The following FUS variants were observed in gnomAD, a reference collection of about 807,000 sequenced individuals.
The protein encoded by FUS is FUS RNA binding protein.
A neutral mutation model predicts 82.7 loss-of-function variants in FUS; 5 were observed. That is an observed-to-expected ratio of 0.06 (90% CI 0.03 to 0.13). The LOEUF (loss-of-function observed/expected upper bound fraction) is 0.13, where lower values mean the gene tolerates loss of function less well. Among genes scored for constraint, FUS ranks in the 10% least tolerant of loss-of-function variants. FUS has a pLI of 1.00. For synonymous variants in FUS, 281 were observed against 247.4 expected, an observed-to-expected ratio of 1.14 and a Z score of -1.27; for missense variants, 512 against 707.8, an observed-to-expected ratio of 0.72 and a Z score of 3.14.
At chr16:31,190,537 C>T (rs1255271288) in intron 12 of FUS, 139 bp downstream of exon 12, 4 of 1,371,052 alleles carry the variant, frequency 2.9e-6, no homozygotes, top group Non-Finnish European at 4.2e-6. Flanking sequence ...AAAAGCTTAC[C>T]TAGGTAAGGT....
rs773655049 is a variant in FUS at position 31,184,316 on chromosome 16, G to C, written c.443G>C (p.Ser148Thr). 1.9e-5 allele frequency: 30 copies of C among 1,614,058 alleles called. No individual in the cohort carries two copies. Among genetic ancestry groups the C allele is most frequent in the African/African-American group, 1.3e-5 (1 of 74,916 alleles). The stretch of plus-strand genomic sequence containing the variant: ...CAGCAAAGCTATGGACAGCAGCAAA[G>C]CTATAATCCCCCTCAGGGCTATGGA... ...GQQQSYGQQQ[S>T]YNPPQGYGQQ... is the part of the protein sequence containing the mutation. Residue 148 changes from serine (S) to threonine (T), a missense_variant, in exon 5 of 15, where the codon AGC (serine) becomes ACC (threonine). By Grantham distance (58) the Ser-to-Thr change is moderately conservative. Transcript: ENST00000254108.
chr16:31,180,918 CTTT>C (rs34242298), intron 1 of FUS, among the ~76,000 whole-genome samples: 2 of 147,798 alleles, frequency 1.4e-5, no homozygotes, highest in Non-Finnish European at 3.0e-5. Context: ...AAATTTCTTT[CTTT>C]TTTTTTTTGG....
At chr16:31,180,916 TTC>T (rs1194455525) in intron 1 of FUS, among the ~76,000 whole-genome samples, 6 of 137,428 alleles carry the variant, frequency 4.4e-5, no homozygotes, top group Non-Finnish European at 9.8e-5. Context: ...CTAAATTTCT[TTC>T]TTTTTTTTTT....
downstream of FUS, chr16:31,192,564 TA>T: frequency 2.0e-6 from 1 of 492,376 alleles, no homozygotes; most frequent in South Asian, 1.5e-5. Context: ...CTCAAATTTT[TA>T]TTTTTTATTT....
Position 31,182,300 on chromosome 16 carries a change from C to CT in FUS, c.14-93dup. ...TCCACCGTGCCTGGCCTACGTGGTCCTTTTTATTCATCAGTGCTTGAGTTA... is the reference window on the plus strand; with the variant it reads ...TCCACCGTGCCTGGCCTACGTGGTCCTTTTTTATTCATCAGTGCTTGAGTTA... On this transcript the variant is annotated intron_variant, in intron 1 of 14. Coordinates refer to ENST00000254108, the MANE Select transcript of FUS (RefSeq NM_004960.4). The CT allele has an allele frequency of 2.1e-6, 3 of 1,448,728 alleles. No homozygotes were observed. In the South Asian group the frequency reaches 3.4e-5, roughly 17 times the overall value. 89.7% of individuals were successfully genotyped at this position (1,448,728 alleles called of 1,614,324 possible).
intron 6 of FUS, chr16:31,185,408 G>A: frequency 1.5e-6 from 1 of 646,348 alleles, no homozygotes; most frequent in East Asian, 2.7e-5. Flanking sequence ...TTTGAGTAAT[G>A]ATACTTGTTT....
At chr16:31,194,538 T>G (rs1438866396), downstream of FUS, 1 of 499,970 alleles carries the variant, frequency 2.0e-6, no homozygotes, top group East Asian at 4.5e-5. Flanking sequence ...TGCTCTGGGC[T>G]CAAGTGATTG....
intron 8 of FUS, 85 bp downstream of exon 8, chr16:31,188,442 G>C: frequency 2.1e-6 from 3 of 1,447,544 alleles, no homozygotes; most frequent in Non-Finnish European, 2.9e-6. Flanking sequence ...TTATAAAAAG[G>C]AAACTGAAAA....
At position 31,190,105 on chromosome 16, in the gene FUS, G is replaced by T; in HGVS notation, c.1132G>T (p.Gly378Cys). ...FATRRADFNR[G>C]GGNGRGGRGR... ...TACTCGCCGGGCAGACTTTAATCGG[G>T]GTGGTGGCAATGGTCGTGGAGGCCG... is the stretch of plus-strand genomic sequence containing the variant. Residue 378 changes from glycine (G) to cysteine (C), a missense_variant, in exon 11 of 15, where the codon GGT (glycine) becomes TGT (cysteine). Gly to Cys is a radical substitution (Grantham distance 159). Coordinates refer to ENST00000254108, the MANE Select transcript of FUS (RefSeq NM_004960.4). The T allele has an allele frequency of 1.2e-6, 2 of 1,614,150 alleles. No individual in the cohort carries two copies. The highest frequency in any genetic ancestry group is 2.2e-5 in the South Asian group (2 of 91,088).
chr16:31,186,850 G>A lies in FUS; in HGVS notation c.799+14G>A. The A allele has an allele frequency of 6.2e-7, 1 of 1,612,226 alleles. No individual in the cohort carries two copies. The highest frequency in any genetic ancestry group is 1.7e-5 in the Admixed American group (1 of 60,018). ...ATAAATTTGGTGGTAAGTGAACAGA[G>A]TTTCCAAAATTCCCAACTCCCAGCA... On this transcript the variant is annotated intron_variant, in intron 7 of 14. Transcript: ENST00000254108.
intron 7 of FUS, 106 bp from the exon 8 acceptor site, chr16:31,188,219 G>T: frequency 8.4e-7 from 1 of 1,184,022 alleles, no homozygotes; most frequent in Middle Eastern, 2.2e-4. Flanking sequence ...TACAAGTTTG[G>T]ATTTGGTGTT....
In FUS at chr16:31,185,081, TGGCGGCGGCGGC is replaced by T. The variant is rs72550890; in HGVS notation, c.675_686del (p.Gly228_Gly231del). 5.6e-6 allele frequency: 9 copies of T among 1,607,448 alleles called. No individual in the cohort carries two copies. The highest frequency in any genetic ancestry group is 2.2e-5 in the East Asian group (1 of 44,698). On this transcript the variant is annotated inframe_deletion, in exon 6 of 15. Coordinates refer to ENST00000254108, the MANE Select transcript of FUS (RefSeq NM_004960.4). ...GAGGCCGCGGCAGGGGTGGCAGTGG[TGGCGGCGGCGGC>T]GGCGGCGGTGGTGGTTACAACCGCA...
chr16:31,185,029 G>C lies in FUS; in HGVS notation c.614G>C (p.Ser205Thr). Residue 205 changes from serine to threonine, a missense_variant, in exon 6 of 15, where the codon AGC (serine) becomes ACC (threonine). Around this residue, in one of 6 missense-constraint regions of FUS, gnomAD observed 276 missense variants for 303.3 expected, o/e 0.91. Coordinates refer to ENST00000254108, the MANE Select transcript of FUS (RefSeq NM_004960.4). Reference sequence around the variant, plus strand: ...CAAGACCAGAGTGGTGGAGGTGGCAGCGGTGGCTATGGACAGCAGGACCGT... The same window carrying C: ...CAAGACCAGAGTGGTGGAGGTGGCACCGGTGGCTATGGACAGCAGGACCGT... ...GNQDQSGGGG[S>T]GGYGQQDRGG... The C allele has an allele frequency of 6.2e-7, 1 of 1,613,478 alleles. No individual in the cohort carries two copies. The highest frequency in any genetic ancestry group is 8.5e-7 in the Non-Finnish European group (1 of 1,179,702).
At chr16:31,194,798 G>A (rs777303955), downstream of FUS, 5 of 480,190 alleles carry the variant, frequency 1.0e-5, no homozygotes, top group African/African-American at 3.9e-5. Context: ...TATGCTGGAG[G>A]TTGCAAATGT....
intron 1 of FUS, among the ~76,000 whole-genome samples, chr16:31,181,037 T>A (rs1201838782): frequency 6.6e-6 from 1 of 152,078 alleles, no homozygotes; most frequent in Non-Finnish European, 1.5e-5. Context: ...CTCAGCCTCC[T>A]GAGTAGTTGG....
chr16:31,187,735 G>A (rs183595614), intron 7 of FUS: 8 of 234,436 alleles, frequency 3.4e-5, no homozygotes, highest in Admixed American at 2.2e-4. Flanking sequence ...GCTGCATTAC[G>A]GAAATAAGAT....
At chr16:31,182,822 T>C (rs755583337) in intron 3 of FUS, 158 bp downstream of exon 3, 13 of 852,680 alleles carry the variant, frequency 1.5e-5, no homozygotes, top group Non-Finnish European at 2.3e-5. Context: ...GTTCAAACGA[T>C]TCTCCTGCCT....
In FUS at chr16:31,190,106, G is replaced by A. The variant is rs1049920152; in HGVS notation, c.1133G>A (p.Gly378Asp). 1 of 1,614,154 alleles carries A rather than the reference G, an allele frequency of 6.2e-7. No homozygotes were observed. Among genetic ancestry groups the A allele is most frequent in the Non-Finnish European group, 8.5e-7 (1 of 1,180,016 alleles). Residue 378 changes from glycine (G) to aspartate (D), a missense_variant, in exon 11 of 15, where the codon GGT becomes GAT. This residue lies in a region of FUS where 63 missense variants were observed against 83.0 expected (regional missense o/e 0.76). Coordinates refer to ENST00000254108, the MANE Select transcript of FUS (RefSeq NM_004960.4). Reference protein sequence around the residue: ...FATRRADFNRGGGNGRGGRGR... With the variant: ...FATRRADFNRDGGNGRGGRGR... ...ACTCGCCGGGCAGACTTTAATCGGG[G>A]TGGTGGCAATGGTCGTGGAGGCCGA...
At position 31,185,107 on chromosome 16, in the gene FUS, G is replaced by C. The variant is rs1273945724; in HGVS notation, c.692G>C (p.Gly231Ala). 2 of 1,608,820 alleles carry C rather than the reference G, an allele frequency of 1.2e-6. No individual in the cohort carries two copies. Among genetic ancestry groups the C allele is most frequent in the Admixed American group, 1.7e-5 (1 of 58,770 alleles). ...GGCGGCGGCGGCGGCGGCGGTGGTGGTTACAACCGCAGCAGTGGTGGCTAT... is the reference window on the plus strand; with the variant it reads ...GGCGGCGGCGGCGGCGGCGGTGGTGCTTACAACCGCAGCAGTGGTGGCTAT... ...SGGGGGGGGG[G>A]YNRSSGGYEP... is the part of the protein sequence containing the mutation. The change falls in exon 6 of 15, where the codon GGT becomes GCT. Residue 231 changes from glycine (G) to alanine (A), a missense_variant. Gly to Ala is a moderately conservative substitution (Grantham distance 60). Transcript: ENST00000254108.
Sources: allele counts gnomAD v4.1 joint callset (sites outside exome capture counted in the v4.1 genomes callset), GRCh38; gene constraint gnomAD v4.1.1; regional missense constraint gnomAD v4.1.1; transcripts MANE v1.5; gene names NCBI Gene and HGNC (gene_info 2026-07-23, HGNC 2026-07-21).